The following ARHGAP12 variants were observed in gnomAD, a reference collection of about 807,000 sequenced individuals.
The protein encoded by ARHGAP12 is Rho GTPase activating protein 12, also known as rho GTPase-activating protein 12.
Under a neutral mutation model 108.6 loss-of-function variants are expected in ARHGAP12, and 64 were observed. The observed-to-expected ratio is 0.59, with a 90% confidence interval of 0.48 to 0.73. ARHGAP12 has a LOEUF of 0.73. Among genes scored for constraint, ARHGAP12 ranks in the 30% least tolerant of loss-of-function variants. The pLI is 0.00. For synonymous variants in ARHGAP12, 312 were observed against 337.2 expected, an observed-to-expected ratio of 0.93 and a Z score of 0.82; for missense variants, 940 against 1,005.9, an observed-to-expected ratio of 0.93 and a Z score of 0.89.
intron 3 of ARHGAP12, among the ~76,000 whole-genome samples, chr10:31,904,239 A>G (rs1304393629): frequency 1.3e-5 from 2 of 152,244 alleles, no homozygotes; most frequent in African/African-American, 4.8e-5. Flanking sequence ...ATGGTTAAAT[A>G]AACTATGGTA....
At chr10:31,850,677 T>TATAA (rs1205862293) in intron 6 of ARHGAP12, among the ~76,000 whole-genome samples, 2 of 152,172 alleles carry the variant, frequency 1.3e-5, no homozygotes, top group African/African-American at 4.8e-5. Context: ...TTTTCCCACT[T>TATAA]ATAAGTTTTA....
rs1275723318 is a variant in ARHGAP12, at chr10:31,928,828, T to A, written c.-256A>T. 6.6e-6 allele frequency: 1 copy of A among 151,178 alleles called. No homozygotes were observed. The highest frequency in any genetic ancestry group is 1.5e-5 in the Non-Finnish European group (1 of 67,752). 9.4% of individuals were successfully genotyped at this position (151,178 alleles called of 1,614,324 possible). Reference sequence around the variant, plus strand: ...AGGCTGGCCTCTGAGGGAGGGTAAGTTACAGGGCACGTCGGAGCGCGCCGG... The same window carrying A: ...AGGCTGGCCTCTGAGGGAGGGTAAGATACAGGGCACGTCGGAGCGCGCCGG... On this transcript the variant is annotated 5_prime_UTR_variant, in exon 1 of 20. Coordinates refer to ENST00000344936, the MANE Select transcript of ARHGAP12 (RefSeq NM_018287.7).
At chr10:31,862,713 C>G (rs1376267895) in intron 3 of ARHGAP12, among the ~76,000 whole-genome samples, 1,128 of 83,258 alleles carry the variant, frequency 0.014, 16 homozygotes, top group African/African-American at 0.042. Flanking sequence ...CAGACACACA[C>G]ACACACACAC....
chr10:31,843,533 G>C lies in ARHGAP12; in HGVS notation c.1224C>G (p.Asp408Glu). ...QREIIKSRSLDRRLQEPIVLT... is the reference protein window; with the variant it reads ...QREIIKSRSLERRLQEPIVLT... ...ATACTATTGGTTCTTGCAGCCGCCT[G>C]TCCAGGCTCCTACTTTTAATTATTT... The change falls in exon 7 of 20, where the codon GAC becomes GAG. Residue 408 changes from aspartate (D) to glutamate (E), a missense_variant. Transcript: ENST00000344936. 1.2e-6 allele frequency: 2 copies of C among 1,612,798 alleles called. No individual in the cohort carries two copies. The highest frequency in any genetic ancestry group is 1.7e-6 in the Non-Finnish European group (2 of 1,179,442).
chr10:31,880,003 C>T (rs1021075907), intron 3 of ARHGAP12, among the ~76,000 whole-genome samples: 15 of 152,202 alleles, frequency 9.9e-5, no homozygotes, highest in African/African-American at 3.6e-4. Flanking sequence ...TACTATTCTA[C>T]CTAGATGTCA....
chr10:31,906,694 G>A (rs1839145750), intron 3 of ARHGAP12, among the ~76,000 whole-genome samples: 2 of 152,202 alleles, frequency 1.3e-5, no homozygotes, highest in Non-Finnish European at 2.9e-5. Context: ...TTTCCAAACA[G>A]TGTTAAGGCC....
intron 3 of ARHGAP12, among the ~76,000 whole-genome samples, chr10:31,869,527 ACT>A (rs1409316721): frequency 6.8e-6 from 1 of 147,752 alleles, no homozygotes; most frequent in Non-Finnish European, 1.5e-5. Flanking sequence ...ACAGAGCGAG[ACT>A]CTGTCTCAAA....
intron 9 of ARHGAP12, 27 bp downstream of exon 9, chr10:31,839,278 A>G (rs1443356003): frequency 1.2e-6 from 2 of 1,602,576 alleles, no homozygotes; most frequent in Admixed American, 1.7e-5. Flanking sequence ...GTCTATGCCT[A>G]TTAAGAAGGA....
intron 13 of ARHGAP12, among the ~76,000 whole-genome samples, chr10:31,815,129 A>T (rs1026928446): frequency 8.8e-4 from 133 of 151,484 alleles, no homozygotes; most frequent in Middle Eastern, 3.4e-3. Context: ...TCAAAAAAAA[A>T]AAAAAAAGAA....
In ARHGAP12 at chr10:31,823,023, T is replaced by C. The variant is rs578000721; in HGVS notation, c.1531-2535A>G. Reference sequence around the variant, plus strand: ...ATGTTTGAATAACTACCAATATTTATGGGTTGATTTTTTAAATGCTCAAGG... The same window carrying C: ...ATGTTTGAATAACTACCAATATTTACGGGTTGATTTTTTAAATGCTCAAGG... On this transcript the variant is annotated intron_variant, in intron 11 of 19. Transcript: ENST00000344936. Among the ~76,000 whole-genome samples the C allele has an allele frequency of 2.6e-5, 4 of 152,194 alleles. No homozygotes were observed. In the South Asian group the frequency reaches 6.2e-4, roughly 24 times the overall value.
At chr10:31,889,605 T>C (rs1021793557) in intron 3 of ARHGAP12, among the ~76,000 whole-genome samples, 2 of 151,074 alleles carry the variant, frequency 1.3e-5, no homozygotes, top group African/African-American at 4.9e-5. Context: ...GATTTTCTTT[T>C]CTTAATTTTT....
At chr10:31,840,177 T>A (rs1018429607) in intron 7 of ARHGAP12, among the ~76,000 whole-genome samples, 1 of 151,990 alleles carries the variant, frequency 6.6e-6, no homozygotes. Flanking sequence ...AAAAGCTATA[T>A]AAGAAATTAA....
Position 31,820,437 on chromosome 10 carries a change from T to C in ARHGAP12, c.1582A>G (p.Thr528Ala), listed in dbSNP as rs762827411. 1 of 1,612,476 alleles carries C rather than the reference T, an allele frequency of 6.2e-7. No homozygotes were observed. The highest frequency in any genetic ancestry group is 8.5e-7 in the Non-Finnish European group (1 of 1,179,310). Residue 528 changes from threonine to alanine, a missense_variant, in exon 12 of 20, where the codon ACA (threonine) becomes GCA (alanine). Thr to Ala is a moderately conservative substitution (Grantham distance 58). Transcript: ENST00000344936. ...TTATCCTTTGAAGCCATCTCAATTG[T>C]TGCCCCCTTGAGGTCCACTGTGAAC... ...PEFTVDLKGA[T>A]IEMASKDKSS... is the part of the protein sequence containing the mutation.
intron 3 of ARHGAP12, among the ~76,000 whole-genome samples, chr10:31,891,775 C>T (rs550641831): frequency 2.6e-5 from 4 of 152,168 alleles, no homozygotes; most frequent in African/African-American, 7.2e-5. Context: ...AGGCTTTGTT[C>T]GTTTCTTTTT....
chr10:31,843,679 A>T, intron 6 of ARHGAP12, 93 bp from the exon 7 acceptor site: 10 of 1,386,634 alleles, frequency 7.2e-6, no homozygotes, highest in Middle Eastern at 2.5e-4. Flanking sequence ...AATGACAAAG[A>T]CTGTTAGGCG....
chr10:31,821,245 A>G (rs1835406148), intron 11 of ARHGAP12, among the ~76,000 whole-genome samples: 2 of 152,154 alleles, frequency 1.3e-5, no homozygotes. Context: ...ATGGGAAGAC[A>G]GTTGTTACGG....
intron 13 of ARHGAP12, among the ~76,000 whole-genome samples, chr10:31,815,153 A>G (rs533169508): frequency 5.3e-5 from 8 of 151,956 alleles, no homozygotes; most frequent in African/African-American, 1.2e-4. Flanking sequence ...AAGAAAAAAA[A>G]GAAAAGAAAT....
Position 31,862,419 on chromosome 10 carries a change from A to G in ARHGAP12, c.685-761T>C, listed in dbSNP as rs568352018. Reference sequence around the variant, plus strand: ...AATATCTCACTAGATGTCAGTCAAGAGCAAGCTACTTCATACCCTTTGTAT... The same window carrying G: ...AATATCTCACTAGATGTCAGTCAAGGGCAAGCTACTTCATACCCTTTGTAT... On this transcript the variant is annotated intron_variant, in intron 3 of 19. Transcript: ENST00000344936. Among the ~76,000 whole-genome samples, 3 of 152,314 alleles carry G rather than the reference A, an allele frequency of 2.0e-5. No individual in the cohort carries two copies. The South Asian group carries it at 6.2e-4, about 32-fold the overall frequency.
intron 3 of ARHGAP12, among the ~76,000 whole-genome samples, chr10:31,907,930 T>A (rs1022681261): frequency 8.5e-5 from 13 of 152,194 alleles, no homozygotes; most frequent in African/African-American, 3.1e-4. Context: ...AAAAGTTTCC[T>A]CACTTAAAGT....
Sources: allele counts gnomAD v4.1 joint callset (sites outside exome capture counted in the v4.1 genomes callset), GRCh38; gene constraint gnomAD v4.1.1; transcripts MANE v1.5; gene names NCBI Gene and HGNC (gene_info 2026-07-23, HGNC 2026-07-21).